CYP19A1: variants seen among roughly 807,000 people sequenced by gnomAD.
CYP19A1 encodes cytochrome P450 family 19 subfamily A member 1.
A neutral mutation model predicts 44.4 loss-of-function variants in CYP19A1; 32 were observed. The ratio of observed to expected loss-of-function variants is 0.72; its 90% confidence interval spans 0.54 to 0.97. The LOEUF (loss-of-function observed/expected upper bound fraction) is 0.97, where lower values mean the gene tolerates loss of function less well. Ranked by LOEUF, CYP19A1 falls within the 50% of genes least tolerant of loss-of-function variation. The probability of loss-of-function intolerance (pLI) is 0.00; values close to 1 mark genes in which losing one functional copy is unlikely to be tolerated. For synonymous variants in CYP19A1, 212 were observed against 215.6 expected (o/e 0.98, Z 0.14); for missense variants, 598 against 637.8 (o/e 0.94, Z 0.67).
intron 1 of CYP19A1, among the ~76,000 whole-genome samples, chr15:51,277,783 TATTTC>T (rs1595749250): frequency 6.6e-6 from 1 of 152,064 alleles, no homozygotes; most frequent in Non-Finnish European, 1.5e-5. Flanking sequence ...GCCAATGAAA[TATTTC>T]AAGTGAACTG....
At chr15:51,246,357 A>G (rs185443231) in intron 1 of CYP19A1, among the ~76,000 whole-genome samples, 2 of 152,012 alleles carry the variant, frequency 1.3e-5, no homozygotes, top group African/African-American at 4.8e-5. Flanking sequence ...TCTCAGGGTC[A>G]TTTTCTTGGG....
intron 1 of CYP19A1, chr15:51,337,855 A>G (rs935309732): frequency 2.0e-5 from 3 of 152,308 alleles, no homozygotes; most frequent in African/African-American, 4.8e-5. Context: ...TTCTTCTGTG[A>G]AAAATGCCAT....
rs1196553344 is a variant in CYP19A1, at chr15:51,253,688, C to T, written c.-38-10738G>A. Among the ~76,000 whole-genome samples the T allele has an allele frequency of 3.3e-5, 5 of 152,158 alleles. No homozygotes were observed. In the South Asian group the frequency reaches 1.0e-3, roughly 32 times the overall value. On this transcript the variant is annotated intron_variant, in intron 1 of 9. Coordinates refer to ENST00000396402, the MANE Select transcript of CYP19A1 (RefSeq NM_000103.4). ...GCTAATCCTTCAACTTGTTCTCCCT[C>T]CTGGGATATTTTCATTGTAACATGT...
chr15:51,212,821 G>A (rs2031158838), intron 8 of CYP19A1, among the ~76,000 whole-genome samples: 1 of 152,182 alleles, frequency 6.6e-6, no homozygotes, highest in Admixed American at 6.5e-5. Flanking sequence ...AGAAAATTTG[G>A]TGATGCTGAA....
intron 1 of CYP19A1, among the ~76,000 whole-genome samples, chr15:51,298,753 TA>T (rs1334579300): frequency 7.2e-5 from 11 of 152,188 alleles, no homozygotes; most frequent in African/African-American, 2.4e-4. Context: ...TTTGTTGACT[TA>T]AAAATAGCTC....
intron 3 of CYP19A1, among the ~76,000 whole-genome samples, chr15:51,230,617 CTTT>C (rs35011672): frequency 4.0e-5 from 5 of 126,536 alleles, no homozygotes; most frequent in African/African-American, 5.9e-5. Flanking sequence ...TTGGTGCCTT[CTTT>C]TTTTTTTTTT....
intron 1 of CYP19A1, among the ~76,000 whole-genome samples, chr15:51,267,615 A>G (rs894257314): frequency 1.3e-5 from 2 of 152,250 alleles, no homozygotes; most frequent in African/African-American, 4.8e-5. Context: ...TGTCCCAGGA[A>G]GACGCAGGAG....
intron 1 of CYP19A1, among the ~76,000 whole-genome samples, chr15:51,301,981 G>A (rs538757948): frequency 2.6e-5 from 4 of 152,252 alleles, no homozygotes; most frequent in East Asian, 3.9e-4. Flanking sequence ...TTCTAAAATA[G>A]CAACAGTGGG....
At chr15:51,296,890 AAGT>A (rs2036006076) in intron 1 of CYP19A1, among the ~76,000 whole-genome samples, 1 of 152,228 alleles carries the variant, frequency 6.6e-6, no homozygotes, top group Non-Finnish European at 1.5e-5. Flanking sequence ...AAGAAAAATG[AAGT>A]ATTTTTGAAC....
At chr15:51,304,118 G>C (rs1381676544) in intron 1 of CYP19A1, among the ~76,000 whole-genome samples, 1 of 152,088 alleles carries the variant, frequency 6.6e-6, no homozygotes, top group African/African-American at 2.4e-5. Context: ...AGGGCACTTT[G>C]GTTTAAAATA....
chr15:51,240,409 A>T (rs1490942135), intron 2 of CYP19A1, among the ~76,000 whole-genome samples: 1 of 152,142 alleles, frequency 6.6e-6, no homozygotes, highest in Non-Finnish European at 1.5e-5. Flanking sequence ...TGGGCACGAA[A>T]CTGCTTTGTA....
chr15:51,304,897 T>TC (rs1342345794), intron 1 of CYP19A1, among the ~76,000 whole-genome samples: 1 of 136,760 alleles, frequency 7.3e-6, no homozygotes, highest in Admixed American at 7.0e-5. Context: ...TTCCTTTTTT[T>TC]TTTTTTTTTT....
chr15:51,237,925 A>T (rs1223879197), intron 2 of CYP19A1, among the ~76,000 whole-genome samples: 1 of 152,226 alleles, frequency 6.6e-6, no homozygotes, highest in Non-Finnish European at 1.5e-5. Flanking sequence ...CTTTAATTCC[A>T]TTCTGTCAGT....
intron 1 of CYP19A1, among the ~76,000 whole-genome samples, chr15:51,286,827 T>G (rs1433426153): frequency 6.6e-6 from 1 of 152,166 alleles, no homozygotes; most frequent in Non-Finnish European, 1.5e-5. Flanking sequence ...GGAGGATACA[T>G]TGGCTGAAGT....
chr15:51,229,419 A>G (rs2032852006), intron 3 of CYP19A1, among the ~76,000 whole-genome samples: 2 of 150,824 alleles, frequency 1.3e-5, no homozygotes, highest in South Asian at 4.2e-4. Context: ...GAGTTATTGT[A>G]TAAATAACTT....
At chr15:51,308,753 C>T (rs575208426) in intron 1 of CYP19A1, among the ~76,000 whole-genome samples, 6 of 152,116 alleles carry the variant, frequency 3.9e-5, no homozygotes, top group Non-Finnish European at 8.8e-5. Context: ...CCAGCTAATA[C>T]CTTGAGAAAA....
chr15:51,227,148 G>T (rs2032648540), intron 4 of CYP19A1, among the ~76,000 whole-genome samples: 1 of 152,030 alleles, frequency 6.6e-6, no homozygotes. Context: ...AAGAAGAAAA[G>T]AATTTGTGGT....
At chr15:51,276,180 T>C (rs1208365135) in intron 1 of CYP19A1, among the ~76,000 whole-genome samples, 1 of 152,234 alleles carries the variant, frequency 6.6e-6, no homozygotes, top group African/African-American at 2.4e-5. Flanking sequence ...CACAGCAGAA[T>C]GATTTGGCTT....
chr15:51,305,527 G>C (rs2036198577), intron 1 of CYP19A1, among the ~76,000 whole-genome samples: 1 of 152,040 alleles, frequency 6.6e-6, no homozygotes, highest in South Asian at 2.1e-4. Flanking sequence ...AGAGGAGCCA[G>C]CTGGTACCAT....
Sources: allele counts gnomAD v4.1 joint callset (sites outside exome capture counted in the v4.1 genomes callset), GRCh38; gene constraint gnomAD v4.1.1; transcripts MANE v1.5; gene names NCBI Gene and HGNC (gene_info 2026-07-23, HGNC 2026-07-21).